PSTPIP2: variants seen among roughly 807,000 people sequenced by gnomAD.
PSTPIP2 encodes the protein proline-serine-threonine phosphatase interacting protein 2.
Under a neutral mutation model 63.3 loss-of-function variants are expected in PSTPIP2, and 33 were observed. The observed-to-expected ratio is 0.52, with a 90% confidence interval of 0.40 to 0.70. The LOEUF (loss-of-function observed/expected upper bound fraction) is 0.70. Among genes scored for constraint, PSTPIP2 ranks in the 30% least tolerant of loss-of-function variants. PSTPIP2 has a pLI of 0.00. For synonymous variants in PSTPIP2, 125 were observed against 132.7 expected, an observed-to-expected ratio of 0.94 and a Z score of 0.40; for missense variants, 312 against 400.7, an observed-to-expected ratio of 0.78 and a Z score of 1.89.
At chr18:46,051,355 A>AT (rs1171731146) in intron 1 of PSTPIP2, among the ~76,000 whole-genome samples, 1 of 152,072 alleles carries the variant, frequency 6.6e-6, no homozygotes, top group Non-Finnish European at 1.5e-5. Context: ...GGCACCTGTA[A>AT]TCCCAGCTAC....
At chr18:46,059,545 G>C (rs1263348494) in intron 1 of PSTPIP2, among the ~76,000 whole-genome samples, 2 of 151,658 alleles carry the variant, frequency 1.3e-5, no homozygotes, top group African/African-American at 4.8e-5. Flanking sequence ...CACCGCGCCT[G>C]GTCTTATTTC....
chr18:46,021,353 A>G (rs1331849377), intron 3 of PSTPIP2, among the ~76,000 whole-genome samples: 1 of 151,932 alleles, frequency 6.6e-6, no homozygotes, highest in Non-Finnish European at 1.5e-5. Context: ...AGAAATGTTA[A>G]GCTCTATTTA....
At chr18:45,990,132 A>G (rs1193118955) in intron 13 of PSTPIP2, among the ~76,000 whole-genome samples, 1 of 152,228 alleles carries the variant, frequency 6.6e-6, no homozygotes, top group Non-Finnish European at 1.5e-5. Context: ...ACTATATCTC[A>G]GTTCTGCTGT....
intron 1 of PSTPIP2, among the ~76,000 whole-genome samples, chr18:46,069,279 G>A (rs1165872444): frequency 6.6e-6 from 1 of 152,134 alleles, no homozygotes; most frequent in Admixed American, 6.6e-5. Flanking sequence ...TCTCATTGTG[G>A]CCTGGCTGTT....
intron 1 of PSTPIP2, among the ~76,000 whole-genome samples, chr18:46,061,949 T>G (rs1381842460): frequency 1.3e-5 from 2 of 152,198 alleles, no homozygotes; most frequent in African/African-American, 4.8e-5. Context: ...CTTATGAAAC[T>G]ATCACTTCCA....
intron 5 of PSTPIP2, chr18:46,010,937 C>A: frequency 2.3e-6 from 1 of 436,344 alleles, no homozygotes; most frequent in Non-Finnish European, 4.1e-6. Flanking sequence ...CGGCAGCAGA[C>A]CTGAAGAGGA....
intron 13 of PSTPIP2, among the ~76,000 whole-genome samples, chr18:45,990,127 A>G (rs1251143127): frequency 6.6e-6 from 1 of 152,268 alleles, no homozygotes; most frequent in Non-Finnish European, 1.5e-5. Flanking sequence ...GGGGAACTAT[A>G]TCTCAGTTCT....
intron 1 of PSTPIP2, among the ~76,000 whole-genome samples, chr18:46,071,767 C>T (rs749349334): frequency 3.9e-5 from 6 of 152,230 alleles, no homozygotes; most frequent in Non-Finnish European, 7.3e-5. Flanking sequence ...ACGGGTCTCG[C>T]CTCCCTAAGG....
intron 1 of PSTPIP2, among the ~76,000 whole-genome samples, chr18:46,070,719 T>C (rs911180705): frequency 1.3e-5 from 2 of 151,874 alleles, no homozygotes; most frequent in African/African-American, 4.8e-5. Flanking sequence ...AGAGTCTCAC[T>C]ATGTTGCCCA....
intron 14 of PSTPIP2, among the ~76,000 whole-genome samples, chr18:45,988,250 G>C (rs2051487077): frequency 6.6e-6 from 1 of 151,884 alleles, no homozygotes; most frequent in Non-Finnish European, 1.5e-5. Flanking sequence ...TGGCCAACAT[G>C]GTGAAGCCCT....
intron 12 of PSTPIP2, among the ~76,000 whole-genome samples, chr18:45,991,046 G>C (rs1384180482): frequency 5.3e-5 from 8 of 152,160 alleles, no homozygotes; most frequent in African/African-American, 1.9e-4. Flanking sequence ...AAGACTTCCT[G>C]AGTGCCTTGA....
chr18:45,983,538 C>T lies in PSTPIP2; in HGVS notation c.*1921G>A, dbSNP rs1205200405. 6.6e-6 allele frequency: 1 copy of T among 151,980 alleles called. No homozygotes were observed. The highest frequency in any genetic ancestry group is 2.4e-5 in the African/African-American group (1 of 41,348). The allele number at this position is 151,980 out of a possible 1,614,324, so 9.4% of individuals were successfully genotyped here. On this transcript the variant is annotated 3_prime_UTR_variant, in exon 15 of 15. Transcript: ENST00000409746. ...TCAACACAAAAATACGAAACAAATC[C>T]CAAATTACCAAGAACCTTTATTTAA... is the stretch of plus-strand genomic sequence containing the variant.
At chr18:46,012,570 T>C (rs944982056) in intron 4 of PSTPIP2, among the ~76,000 whole-genome samples, 2 of 152,134 alleles carry the variant, frequency 1.3e-5, no homozygotes, top group Non-Finnish European at 2.9e-5. Context: ...GTCAAGTGAT[T>C]GAGACCATTC....
At chr18:46,047,225 G>A (rs1239681592) in intron 1 of PSTPIP2, among the ~76,000 whole-genome samples, 1 of 152,026 alleles carries the variant, frequency 6.6e-6, no homozygotes, top group African/African-American at 2.4e-5. Context: ...ACTCTATGAG[G>A]TACAACCAAA....
intron 2 of PSTPIP2, among the ~76,000 whole-genome samples, chr18:46,032,754 C>CAAAAAAAAAAAAAAAAAAA (rs762015034): frequency 2.0e-5 from 1 of 50,150 alleles, no homozygotes; most frequent in Non-Finnish European, 4.4e-5. Context: ...AACTCTGTGT[C>CAAAAAAAAAAAAAAAAAAA]AAAAAAAAAA....
chr18:46,043,066 C>T (rs1049015822), intron 1 of PSTPIP2, among the ~76,000 whole-genome samples: 2 of 151,830 alleles, frequency 1.3e-5, no homozygotes, highest in Non-Finnish European at 2.9e-5. Flanking sequence ...CGTGCAGTCC[C>T]ACTCAAAGAG....
At chr18:45,990,641 G>C (rs1358189707) in intron 13 of PSTPIP2, 81 bp downstream of exon 13, 14 of 1,227,334 alleles carry the variant, frequency 1.1e-5, no homozygotes, top group Non-Finnish European at 1.6e-5. Context: ...TGTTGACCAG[G>C]CTGGTCTCAA....
intron 9 of PSTPIP2, among the ~76,000 whole-genome samples, chr18:45,995,915 A>C (rs2051589573): frequency 6.6e-6 from 1 of 152,204 alleles, no homozygotes; most frequent in South Asian, 2.1e-4. Flanking sequence ...TCCCGGGCTC[A>C]AGTGATTTTC....
intron 2 of PSTPIP2, among the ~76,000 whole-genome samples, chr18:46,025,360 G>A (rs1033191867): frequency 2.6e-5 from 4 of 152,088 alleles, no homozygotes; most frequent in Admixed American, 6.6e-5. Flanking sequence ...ACACCACAAA[G>A]GTAGACAGTC....
Sources: allele counts gnomAD v4.1 joint callset (sites outside exome capture counted in the v4.1 genomes callset), GRCh38; gene constraint gnomAD v4.1.1; transcripts MANE v1.5; gene names NCBI Gene and HGNC (gene_info 2026-07-23, HGNC 2026-07-21).